LGR5: variants seen among roughly 807,000 people sequenced by gnomAD.
LGR5 encodes leucine rich repeat containing G protein-coupled receptor 5.
Under a neutral mutation model 76.7 loss-of-function variants are expected in LGR5, and 54 were observed. The ratio of observed to expected loss-of-function variants is 0.70; its 90% CI spans 0.57 to 0.88. The LOEUF (loss-of-function observed/expected upper bound fraction) is 0.88. Ranked by LOEUF, LGR5 falls within the 40% of genes least tolerant of loss-of-function variation. The probability of loss-of-function intolerance (pLI) is 0.00; values close to 1 mark genes in which losing one functional copy is unlikely to be tolerated. For synonymous variants in LGR5, 406 were observed against 421.9 expected (o/e 0.96, Z 0.46); for missense variants, 1,078 against 1,073.3 (o/e 1.00, Z -0.06).
chr12:71,555,245 A>G (rs1877699901), intron 5 of LGR5, among the ~76,000 whole-genome samples: 3 of 152,218 alleles, frequency 2.0e-5, no homozygotes, highest in Admixed American at 1.3e-4. Context: ...ACATATAAAG[A>G]TGATGCTACT....
intron 3 of LGR5, among the ~76,000 whole-genome samples, chr12:71,528,493 G>A (rs553299475): frequency 1.3e-5 from 2 of 152,092 alleles, no homozygotes; most frequent in South Asian, 2.1e-4. Context: ...AATAGTGTTA[G>A]TGCAGTAGAA....
intron 2 of LGR5, among the ~76,000 whole-genome samples, chr12:71,512,757 G>T (rs1592503364): frequency 8.0e-6 from 1 of 125,276 alleles, no homozygotes; most frequent in African/African-American, 2.9e-5. Context: ...GGGAAGAACT[G>T]ATTTTGGAGG....
At chr12:71,459,433 G>A (rs149619979) in intron 1 of LGR5, among the ~76,000 whole-genome samples, 53 of 152,160 alleles carry the variant, frequency 3.5e-4, no homozygotes, top group Admixed American at 2.3e-3. Context: ...AGGTACATAC[G>A]CTGAGCCCCA....
chr12:71,542,020 G>C (rs1047421361), intron 4 of LGR5, among the ~76,000 whole-genome samples: 4 of 152,196 alleles, frequency 2.6e-5, no homozygotes, highest in Non-Finnish European at 4.4e-5. Context: ...AAGTTGGAAT[G>C]CTGGAAAACA....
chr12:71,520,555 A>G (rs886253503), intron 2 of LGR5, among the ~76,000 whole-genome samples: 12 of 152,292 alleles, frequency 7.9e-5, no homozygotes, highest in Admixed American at 1.3e-4. Flanking sequence ...GGATGAGTTT[A>G]TGTCCTTTGC....
At chr12:71,481,584 T>G (rs1338836012) in intron 1 of LGR5, among the ~76,000 whole-genome samples, 2 of 152,174 alleles carry the variant, frequency 1.3e-5, no homozygotes, top group Non-Finnish European at 2.9e-5. Context: ...TATAGTAGAA[T>G]GATTTATACT....
chr12:71,535,200 A>T lies in LGR5; in HGVS notation c.428+14A>T, dbSNP rs1234284970. ...CCTTCAATCCCTGTAAGTATAGTAG[A>T]CATTGCAAAATATATTTAAGATCAA... On this transcript the variant is annotated intron_variant, in intron 4 of 17. Coordinates refer to ENST00000266674, the MANE Select transcript of LGR5 (RefSeq NM_003667.4). The T allele has an allele frequency of 6.6e-7, 1 of 1,524,242 alleles. No individual in the cohort carries two copies. Among genetic ancestry groups the T allele is most frequent in the Non-Finnish European group, 9.1e-7 (1 of 1,100,976 alleles). 94.4% of individuals were successfully genotyped at this position (1,524,242 alleles called of 1,614,324 possible).
intron 1 of LGR5, among the ~76,000 whole-genome samples, chr12:71,444,588 C>T (rs538689901): frequency 3.4e-4 from 52 of 152,006 alleles, no homozygotes; most frequent in African/African-American, 1.2e-3. Context: ...TATGCATTTT[C>T]CTCAAAGTAA....
chr12:71,507,620 G>C (rs557243068), intron 2 of LGR5, among the ~76,000 whole-genome samples: 1 of 152,088 alleles, frequency 6.6e-6, no homozygotes, highest in East Asian at 1.9e-4. Context: ...AATAGTCTTC[G>C]ATAATATTTT....
At chr12:71,452,035 A>G (rs1872271909) in intron 1 of LGR5, among the ~76,000 whole-genome samples, 2 of 152,122 alleles carry the variant, frequency 1.3e-5, no homozygotes, top group Non-Finnish European at 1.5e-5. Flanking sequence ...GCACACTGAA[A>G]CTATTCAACT....
At chr12:71,583,619 T>C in intron 17 of LGR5, 28 bp from the exon 18 acceptor site, 3 of 1,575,194 alleles carry the variant, frequency 1.9e-6, no homozygotes, top group Admixed American at 1.8e-5. Flanking sequence ...AATTTGATAC[T>C]CAATCTTTGC....
chr12:71,553,714 C>A (rs777030520), intron 5 of LGR5, among the ~76,000 whole-genome samples: 19 of 152,268 alleles, frequency 1.2e-4, no homozygotes, highest in Non-Finnish European at 1.9e-4. Flanking sequence ...GAAGTGAGAA[C>A]AAATGATGTA....
chr12:71,573,296 G>A (rs909898215), intron 13 of LGR5, among the ~76,000 whole-genome samples: 2 of 151,816 alleles, frequency 1.3e-5, no homozygotes, highest in African/African-American at 2.4e-5. Context: ...TTTTTTCAAC[G>A]TGTGTCTCAA....
intron 1 of LGR5, among the ~76,000 whole-genome samples, chr12:71,493,289 C>T (rs556642232): frequency 6.6e-6 from 1 of 151,300 alleles, no homozygotes; most frequent in Admixed American, 6.5e-5. Flanking sequence ...TCCCATCCTG[C>T]TCTTTTTATC....
chr12:71,440,774 GCATCC>G lies in LGR5; in HGVS notation c.212+484_212+488del, dbSNP rs1871729086. 6.6e-6 allele frequency among the ~76,000 whole-genome samples: 1 copy of G among 152,324 alleles called. No individual in the cohort carries two copies. Among genetic ancestry groups the G allele is most frequent in the Admixed American group, 6.5e-5 (1 of 15,302 alleles). The stretch of plus-strand genomic sequence containing the variant: ...CCCAGCTCCAAAGGGTTTTTAGTCT[GCATCC>G]CTTGCACTGTGACGTGATGTAACCT... On this transcript the variant is annotated intron_variant, in intron 1 of 17. Coordinates refer to ENST00000266674, the MANE Select transcript of LGR5 (RefSeq NM_003667.4). This position sits in a 1 kb window ranked among gnomAD's most constrained non-coding sequence, Gnocchi z 5.3.
intron 1 of LGR5, among the ~76,000 whole-genome samples, chr12:71,483,331 G>C (rs547850152): frequency 3.4e-4 from 52 of 152,180 alleles, no homozygotes; most frequent in Admixed American, 3.0e-3. Context: ...AGATCCAAAG[G>C]CTAGGTAGAA....
At chr12:71,530,996 G>GAAAAAA (rs35134425) in intron 3 of LGR5, among the ~76,000 whole-genome samples, 5 of 138,672 alleles carry the variant, frequency 3.6e-5, no homozygotes, top group South Asian at 4.7e-4. Context: ...GTCCTGTTGG[G>GAAAAAA]AAAAAAAAAA....
Position 71,571,228 on chromosome 12 carries a change from A to G in LGR5, c.1071-286A>G, listed in dbSNP as rs542428697. ...TTTAATTTGTTCTCATTGCAGTAAGATAATAGCTAGAGCATTTAGAGAAGT... is the reference window on the plus strand; with the variant it reads ...TTTAATTTGTTCTCATTGCAGTAAGGTAATAGCTAGAGCATTTAGAGAAGT... On this transcript the variant is annotated intron_variant, in intron 11 of 17. Transcript: ENST00000266674. 3 of 227,806 alleles carry G rather than the reference A, an allele frequency of 1.3e-5. 1 individual carries two copies. In the South Asian group the frequency reaches 4.3e-4, roughly 32 times the overall value. 14.1% of individuals were successfully genotyped at this position (227,806 alleles called of 1,614,324 possible).
Position 71,440,195 on chromosome 12 carries a change from C to G in LGR5, c.115C>G (p.His39Asp). Reference sequence around the variant, plus strand: ...GCTGAGGGGCTGCCCCACACACTGTCATTGCGAGCCCGACGGCAGGATGTT... The same window carrying G: ...GCTGAGGGGCTGCCCCACACACTGTGATTGCGAGCCCGACGGCAGGATGTT... Reference protein sequence around the residue: ...VLLRGCPTHCHCEPDGRMLLR... With the variant: ...VLLRGCPTHCDCEPDGRMLLR... The change falls in exon 1 of 18, where the codon CAT becomes GAT. Residue 39 changes from histidine to aspartate, a missense_variant. By Grantham distance (81) the His-to-Asp change is moderately conservative. Coordinates refer to ENST00000266674, the MANE Select transcript of LGR5 (RefSeq NM_003667.4). The surrounding 1 kb of genome is among the most constrained non-coding windows in gnomAD (Gnocchi z 5.3). 6.2e-7 allele frequency: 1 copy of G among 1,612,602 alleles called. No individual in the cohort carries two copies. Among genetic ancestry groups the G allele is most frequent in the Non-Finnish European group, 8.5e-7 (1 of 1,179,710 alleles).
Sources: allele counts gnomAD v4.1 joint callset (sites outside exome capture counted in the v4.1 genomes callset), GRCh38; gene constraint gnomAD v4.1.1; non-coding constraint Gnocchi (gnomAD v3.1); transcripts MANE v1.5; gene names NCBI Gene and HGNC (gene_info 2026-07-23, HGNC 2026-07-21).